Variants in AKAP13 observed in about 807,000 individuals in gnomAD.
AKAP13 encodes the protein A-kinase anchor protein 13.
In AKAP13, 80 loss-of-function variants were observed where a neutral mutation model predicts 264.5. That is an observed-to-expected ratio of 0.30 (90% confidence interval 0.25 to 0.36). AKAP13 has a LOEUF of 0.36. AKAP13 is among the 10% of genes least tolerant of loss of function. The probability of loss-of-function intolerance (pLI) is 1.00; values close to 1 mark genes in which losing one functional copy is unlikely to be tolerated. For synonymous variants in AKAP13, 1,380 were observed against 1,250.2 expected (o/e 1.10, Z -2.19); for missense variants, 3,712 against 3,435.2 (o/e 1.08, Z -2.01).
intron 9 of AKAP13, among the ~76,000 whole-genome samples, chr15:85,642,748 T>G (rs2082367839): frequency 6.6e-6 from 1 of 152,234 alleles, no homozygotes; most frequent in Admixed American, 6.5e-5. Flanking sequence ...CTCCCAGGGC[T>G]GAATCTGGAT....
intron 1 of AKAP13, among the ~76,000 whole-genome samples, chr15:85,418,350 G>T (rs1405430382): frequency 1.3e-5 from 2 of 152,182 alleles, no homozygotes; most frequent in Non-Finnish European, 2.9e-5. Flanking sequence ...CCAAAGTGCT[G>T]GGATTACAGG....
chr15:85,459,602 C>G (rs746711689), intron 1 of AKAP13, among the ~76,000 whole-genome samples: 6 of 151,028 alleles, frequency 4.0e-5, no homozygotes, highest in Non-Finnish European at 7.4e-5. Context: ...CAGGTTCACA[C>G]CATTCTGCTG....
At chr15:85,607,987 A>G (rs1399690932) in intron 8 of AKAP13, among the ~76,000 whole-genome samples, 2 of 152,212 alleles carry the variant, frequency 1.3e-5, no homozygotes, top group African/African-American at 4.8e-5. Flanking sequence ...TTTTTGGACA[A>G]TTGATAAAAA....
intron 2 of AKAP13, among the ~76,000 whole-genome samples, chr15:85,492,849 C>T (rs1429805518): frequency 6.6e-6 from 1 of 152,148 alleles, no homozygotes; most frequent in African/African-American, 2.4e-5. Context: ...TAGGAGGACA[C>T]ATGATGTATT....
At chr15:85,740,742 CA>C (rs2088897277) in intron 34 of AKAP13, among the ~76,000 whole-genome samples, 1 of 129,998 alleles carries the variant, frequency 7.7e-6, no homozygotes, top group African/African-American at 3.0e-5. Context: ...ACACACAACC[CA>C]CCCACCCACA....
At chr15:85,418,913 GATAATTAAATTCAGCAGT>G (rs2072375064) in intron 1 of AKAP13, among the ~76,000 whole-genome samples, 1 of 152,208 alleles carries the variant, frequency 6.6e-6, no homozygotes, top group Non-Finnish European at 1.5e-5. Flanking sequence ...TTTAAGTATA[GATAATTAAATTCAGCAGT>G]CTGCTTATAG....
intron 15 of AKAP13, among the ~76,000 whole-genome samples, chr15:85,683,118 G>C (rs561290474): frequency 2.6e-5 from 4 of 152,332 alleles, no homozygotes; most frequent in African/African-American, 9.6e-5. Context: ...AGAGGCATCA[G>C]TTATGATTCT....
At chr15:85,520,719 C>T (rs766595795) in intron 2 of AKAP13, 102 of 518,476 alleles carry the variant, frequency 2.0e-4, no homozygotes, top group Admixed American at 1.9e-3. Flanking sequence ...TATTATAGAC[C>T]GAGAGTTGAA....
At chr15:85,441,806 G>T (rs1192363188) in intron 1 of AKAP13, among the ~76,000 whole-genome samples, 1 of 151,864 alleles carries the variant, frequency 6.6e-6, no homozygotes, top group Non-Finnish European at 1.5e-5. Context: ...GCAGTAAATA[G>T]TCTTACATAT....
chr15:85,488,100 T>C (rs1477418907), intron 2 of AKAP13, among the ~76,000 whole-genome samples: 3 of 152,180 alleles, frequency 2.0e-5, no homozygotes, highest in Non-Finnish European at 2.9e-5. Context: ...GATCTGACTA[T>C]GCTGCCCAGG....
intron 1 of AKAP13, among the ~76,000 whole-genome samples, chr15:85,424,295 C>G (rs1430236906): frequency 1.3e-5 from 2 of 152,216 alleles, no homozygotes; most frequent in Admixed American, 6.5e-5. Flanking sequence ...CTACTTTCAT[C>G]ATTTGTCTAG....
chr15:85,443,766 A>C (rs2073797574), intron 1 of AKAP13, among the ~76,000 whole-genome samples: 1 of 120,124 alleles, frequency 8.3e-6, no homozygotes, highest in Non-Finnish European at 1.9e-5. Context: ...CATGTAAAAA[A>C]AAAAAAGTGT....
At chr15:85,434,781 TAACA>T (rs1208824675) in intron 1 of AKAP13, among the ~76,000 whole-genome samples, 1 of 151,216 alleles carries the variant, frequency 6.6e-6, no homozygotes, top group African/African-American at 2.4e-5. Flanking sequence ...GAAGGAAAAC[TAACA>T]AACAGAAAGG....
At chr15:85,612,773 A>G (rs1465033456) in intron 8 of AKAP13, among the ~76,000 whole-genome samples, 1 of 151,344 alleles carries the variant, frequency 6.6e-6, no homozygotes, top group Non-Finnish European at 1.5e-5. Flanking sequence ...GTGGTGAGCC[A>G]AGATTGTACC....
chr15:85,617,792 C>G (rs1385850629), intron 8 of AKAP13, among the ~76,000 whole-genome samples: 2 of 152,178 alleles, frequency 1.3e-5, no homozygotes, highest in Non-Finnish European at 2.9e-5. Context: ...TACATTCAAG[C>G]CTAAAGGCTC....
intron 10 of AKAP13, among the ~76,000 whole-genome samples, chr15:85,651,087 A>C (rs1043126405): frequency 6.6e-6 from 1 of 152,232 alleles, no homozygotes; most frequent in African/African-American, 2.4e-5. Context: ...GTAATAAGAT[A>C]TAAAGTATGC....
intron 8 of AKAP13, among the ~76,000 whole-genome samples, chr15:85,630,729 G>T (rs1719468561): frequency 6.6e-6 from 1 of 151,908 alleles, no homozygotes; most frequent in African/African-American, 2.4e-5. Flanking sequence ...TTAAAAAAAA[G>T]AAACTCAGGA....
At chr15:85,730,810 C>T in intron 30 of AKAP13, 103 bp downstream of exon 30, 1 of 1,005,950 alleles carries the variant, frequency 9.9e-7, no homozygotes, top group Non-Finnish European at 1.4e-6. Flanking sequence ...AGCACAAATG[C>T]AGAAAATTAC....
chr15:85,426,228 A>C (rs2072770513), intron 1 of AKAP13, among the ~76,000 whole-genome samples: 1 of 152,212 alleles, frequency 6.6e-6, no homozygotes, highest in Non-Finnish European at 1.5e-5. Context: ...GTCTAAATGT[A>C]AGGTGTCACT....
Sources: gnomAD v4.1 joint callset for allele counts (sites outside exome capture counted in the v4.1 genomes callset) on GRCh38, gnomAD v4.1.1 for gene constraint, MANE v1.5 for transcripts, NCBI Gene and HGNC (gene_info 2026-07-23, HGNC 2026-07-21) for gene names.